Variants in EBF2 observed in about 807,000 individuals in gnomAD.
The protein encoded by EBF2 is transcription factor COE2.
EBF2 carries 21 observed loss-of-function variants against 72.8 expected under a neutral mutation model. That is an observed-to-expected ratio of 0.29 (90% CI 0.20 to 0.42). The LOEUF is 0.42. Among genes scored for constraint, EBF2 ranks in the 10% least tolerant of loss-of-function variants. EBF2 has a pLI of 1.00. For synonymous variants in EBF2, 299 were observed against 274.2 expected (o/e 1.09, Z -0.89); for missense variants, 637 against 731.2 (o/e 0.87, Z 1.49).
chr8:26,014,261 CTTATA>C (rs1352291191), intron 6 of EBF2, among the ~76,000 whole-genome samples: 2 of 152,096 alleles, frequency 1.3e-5, no homozygotes, highest in Non-Finnish European at 2.9e-5. Flanking sequence ...TTCCCTCCTG[CTTATA>C]TTATAAATAT....
At chr8:25,907,313 A>T (rs1434701133) in intron 7 of EBF2, among the ~76,000 whole-genome samples, 1 of 148,380 alleles carries the variant, frequency 6.7e-6, no homozygotes, top group African/African-American at 2.5e-5. Flanking sequence ...CTAGCTACTC[A>T]GGAGGGTGAG....
intron 6 of EBF2, among the ~76,000 whole-genome samples, chr8:25,935,129 G>C (rs1427535342): frequency 6.6e-6 from 1 of 152,080 alleles, no homozygotes; most frequent in Non-Finnish European, 1.5e-5. Context: ...TGGTACCCAA[G>C]GCCCCCCATC....
intron 15 of EBF2, 24 bp downstream of exon 15, chr8:25,850,569 TC>T (rs755310269): frequency 1.3e-6 from 2 of 1,518,298 alleles, no homozygotes; most frequent in Non-Finnish European, 1.8e-6. Context: ...ACATTGTGTA[TC>T]CCCAAAATAG....
intron 6 of EBF2, among the ~76,000 whole-genome samples, chr8:25,952,069 G>A (rs1211488351): frequency 6.6e-6 from 1 of 152,188 alleles, no homozygotes; most frequent in African/African-American, 2.4e-5. Flanking sequence ...AAGGCAGGAG[G>A]ATTGCTTGAG....
chr8:25,923,738 G>A (rs1374562349), intron 6 of EBF2, among the ~76,000 whole-genome samples: 1 of 152,124 alleles, frequency 6.6e-6, no homozygotes, highest in Non-Finnish European at 1.5e-5. Flanking sequence ...CCAGGTCATG[G>A]TTTTTCACAA....
intron 6 of EBF2, among the ~76,000 whole-genome samples, chr8:25,916,323 A>G (rs1382334310): frequency 6.6e-6 from 1 of 151,922 alleles, no homozygotes; most frequent in Non-Finnish European, 1.5e-5. Context: ...AAAAAAAACA[A>G]AAAACAACAA....
intron 6 of EBF2, among the ~76,000 whole-genome samples, chr8:25,924,927 C>A (rs1260966691): frequency 6.6e-5 from 10 of 152,180 alleles, no homozygotes; most frequent in Non-Finnish European, 1.5e-4. Context: ...CAGAAACACA[C>A]CAGATGCACA....
chr8:26,038,099 TCTAA>T (rs985894736), intron 5 of EBF2, among the ~76,000 whole-genome samples: 1 of 152,222 alleles, frequency 6.6e-6, no homozygotes, highest in Non-Finnish European at 1.5e-5. Context: ...ATCAACCAGC[TCTAA>T]CTGACAGATT....
Position 26,042,189 on chromosome 8 carries a change from T to C in EBF2, c.194A>G (p.Asn65Ser), listed in dbSNP as rs759733437. The change falls in exon 2 of 16, where the codon AAC becomes AGC. Residue 65 changes from asparagine (N) to serine (S), a missense_variant. Around this residue, in one of 3 missense-constraint regions of EBF2, gnomAD observed 174 missense variants for 161.9 expected, o/e 1.07. Coordinates refer to ENST00000520164, the MANE Select transcript of EBF2 (RefSeq NM_022659.4). ...GAGCGCCAGGACGAAGTGAAAGAAG[T>C]TGGATTTCCTCAAGTTGGAAGGAGG... is the stretch of plus-strand genomic sequence containing the variant. ...KQPPSNLRKS[N>S]FFHFVLALYD... is the part of the protein sequence containing the mutation. 8 of 1,613,902 alleles carry C rather than the reference T, an allele frequency of 5.0e-6. No individual in the cohort carries two copies. The Admixed American group carries it at 1.0e-4, about 20-fold the overall frequency.
chr8:26,007,568 A>T (rs1804902433), intron 6 of EBF2, among the ~76,000 whole-genome samples: 1 of 152,178 alleles, frequency 6.6e-6, no homozygotes, highest in African/African-American at 2.4e-5. Flanking sequence ...AAACAAAAGC[A>T]CGAGTCAAGG....
chr8:25,863,882 G>A lies in EBF2; in HGVS notation c.1010-1085C>T, dbSNP rs184214366. 8.6e-4 allele frequency among the ~76,000 whole-genome samples: 131 copies of A among 152,072 alleles called. 2 individuals are homozygous for A. The highest frequency in any genetic ancestry group is 3.0e-3 in the African/African-American group (124 of 41,500). On this transcript the variant is annotated intron_variant, in intron 10 of 15. Coordinates refer to ENST00000520164, the MANE Select transcript of EBF2 (RefSeq NM_022659.4). Reference sequence around the variant, plus strand: ...ACTTAAAATTATTCAGAGACATACCGTTCACACTGTTACATAACCTACTTT... The same window carrying A: ...ACTTAAAATTATTCAGAGACATACCATTCACACTGTTACATAACCTACTTT...
chr8:25,903,316 G>T (rs1295629950), intron 7 of EBF2, among the ~76,000 whole-genome samples: 1 of 151,442 alleles, frequency 6.6e-6, no homozygotes, highest in Non-Finnish European at 1.5e-5. Context: ...TTACAGGCAT[G>T]AGCCACTGTG....
intron 6 of EBF2, among the ~76,000 whole-genome samples, chr8:26,016,492 G>A (rs1805113649): frequency 6.6e-6 from 1 of 152,144 alleles, no homozygotes; most frequent in Non-Finnish European, 1.5e-5. Flanking sequence ...TAATACAATG[G>A]TTACATTAGA....
intron 6 of EBF2, among the ~76,000 whole-genome samples, chr8:25,933,762 T>C (rs1479860261): frequency 6.6e-6 from 1 of 152,082 alleles, no homozygotes; most frequent in Non-Finnish European, 1.5e-5. Flanking sequence ...TAACATCTAA[T>C]AATACCAAGA....
intron 6 of EBF2, among the ~76,000 whole-genome samples, chr8:25,989,573 G>A (rs916830475): frequency 2.6e-5 from 4 of 152,148 alleles, no homozygotes; most frequent in African/African-American, 4.8e-5. Flanking sequence ...CTCATATGCC[G>A]GAGGCGCTTG....
At chr8:25,966,753 G>A (rs578166202) in intron 6 of EBF2, among the ~76,000 whole-genome samples, 2 of 152,274 alleles carry the variant, frequency 1.3e-5, no homozygotes, top group Admixed American at 1.3e-4. Context: ...AGCCAGTAAA[G>A]CCAGGCAGCC....
intron 6 of EBF2, among the ~76,000 whole-genome samples, chr8:26,015,474 G>A (rs1805094812): frequency 6.6e-6 from 1 of 152,204 alleles, no homozygotes; most frequent in African/African-American, 2.4e-5. Flanking sequence ...CTATGCATTT[G>A]TGGGTTGACC....
intron 6 of EBF2, among the ~76,000 whole-genome samples, chr8:26,012,640 G>A (rs1400220926): frequency 6.6e-6 from 1 of 152,152 alleles, no homozygotes. Flanking sequence ...TCCACTAATG[G>A]ACAGAGTTAC....
chr8:25,916,149 G>A (rs1045396407), intron 6 of EBF2, among the ~76,000 whole-genome samples: 1 of 151,800 alleles, frequency 6.6e-6, no homozygotes, highest in African/African-American at 2.4e-5. Flanking sequence ...AGCCAGGTGT[G>A]GTGGTGCACA....
Sources: gnomAD v4.1 joint callset for allele counts (sites outside exome capture counted in the v4.1 genomes callset) on GRCh38, gnomAD v4.1.1 for gene constraint, gnomAD v4.1.1 regional missense constraint, MANE v1.5 for transcripts, NCBI Gene and HGNC (gene_info 2026-07-23, HGNC 2026-07-21) for gene names.